Variants in ADAM10 observed in about 807,000 individuals in gnomAD.
The protein encoded by ADAM10 is ADAM metallopeptidase domain 10, also known as disintegrin and metalloproteinase domain-containing protein 10.
Under a neutral mutation model 90.1 loss-of-function variants are expected in ADAM10, and 17 were observed. The observed-to-expected ratio is 0.19, with a 90% CI of 0.13 to 0.28. The LOEUF (loss-of-function observed/expected upper bound fraction) is 0.28. Ranked by LOEUF, ADAM10 falls within the 10% of genes least tolerant of loss-of-function variation. The pLI is 1.00. For synonymous variants in ADAM10, 310 were observed against 298.6 expected (o/e 1.04, Z -0.40); for missense variants, 610 against 914.3 (o/e 0.67, Z 4.29).
chr15:58,708,178 A>G (rs1373186812), intron 2 of ADAM10, among the ~76,000 whole-genome samples: 1 of 152,230 alleles, frequency 6.6e-6, no homozygotes, highest in African/African-American at 2.4e-5. Context: ...CCAACTGTAT[A>G]AAATAACAAT....
At chr15:58,702,305 G>A (rs1465186214) in intron 2 of ADAM10, among the ~76,000 whole-genome samples, 1 of 152,142 alleles carries the variant, frequency 6.6e-6, no homozygotes, top group Non-Finnish European at 1.5e-5. Flanking sequence ...GGGTGAGTGG[G>A]TGGGGCTTGA....
At chr15:58,740,865 G>A (rs1899589926) in intron 1 of ADAM10, among the ~76,000 whole-genome samples, 1 of 152,062 alleles carries the variant, frequency 6.6e-6, no homozygotes, top group Admixed American at 6.5e-5. Flanking sequence ...CTAATGTTTG[G>A]TAATGATGTT....
chr15:58,687,661 A>T (rs946596714), intron 2 of ADAM10, among the ~76,000 whole-genome samples: 14 of 82,342 alleles, frequency 1.7e-4, no homozygotes, highest in Admixed American at 5.4e-4. Flanking sequence ...CATACTTTTT[A>T]AAAAAAAAAT....
chr15:58,637,021 T>C (rs143517338), intron 8 of ADAM10, among the ~76,000 whole-genome samples: 94 of 152,320 alleles, frequency 6.2e-4, no homozygotes, highest in Admixed American at 1.4e-3. Context: ...TAAATGCCAA[T>C]AGCAAGTGTC....
intron 1 of ADAM10, among the ~76,000 whole-genome samples, chr15:58,726,025 TTTA>T (rs1899016328): frequency 6.6e-6 from 1 of 152,072 alleles, no homozygotes; most frequent in Admixed American, 6.5e-5. Context: ...ATAAAAAGGA[TTTA>T]TTTTCTCATT....
At chr15:58,727,249 G>T (rs187951977) in intron 1 of ADAM10, among the ~76,000 whole-genome samples, 1 of 143,986 alleles carries the variant, frequency 6.9e-6, no homozygotes, top group Non-Finnish European at 1.5e-5. Flanking sequence ...GTAGCGCAAC[G>T]GCGCAATCTC....
intron 2 of ADAM10, among the ~76,000 whole-genome samples, chr15:58,702,917 C>G (rs553217643): frequency 2.0e-5 from 3 of 152,252 alleles, no homozygotes; most frequent in East Asian, 1.9e-4. Flanking sequence ...AGTAAAACCA[C>G]AAATGAATAA....
chr15:58,667,766 T>A (rs1897110986), intron 4 of ADAM10, among the ~76,000 whole-genome samples: 1 of 151,964 alleles, frequency 6.6e-6, no homozygotes, highest in African/African-American at 2.4e-5. Context: ...AGGCTTTTTT[T>A]TTTTTCTTTT....
At chr15:58,692,195 G>C (rs12437998) in intron 2 of ADAM10, 106,069 of 561,100 alleles carry the variant, frequency 0.19, 12,443 homozygotes, top group East Asian at 0.42. Flanking sequence ...AAGGGAGCCT[G>C]ATGAGGGATG....
chr15:58,629,841 TG>T (rs1193233441), intron 9 of ADAM10, among the ~76,000 whole-genome samples: 1 of 152,066 alleles, frequency 6.6e-6, no homozygotes, highest in East Asian at 1.9e-4. Flanking sequence ...GGCGTGATCC[TG>T]GCTCACTGCA....
chr15:58,701,036 CAG>C (rs1369126413), intron 2 of ADAM10, among the ~76,000 whole-genome samples: 2 of 98,798 alleles, frequency 2.0e-5, no homozygotes, highest in South Asian at 3.4e-4. Context: ...AAAAAAAAAA[CAG>C]GGCAGAATTC....
At chr15:58,744,252 G>C (rs1899715294) in intron 1 of ADAM10, among the ~76,000 whole-genome samples, 1 of 151,912 alleles carries the variant, frequency 6.6e-6, no homozygotes, top group Non-Finnish European at 1.5e-5. Context: ...TGAGGGGTAG[G>C]GGTGGGGGGC....
chr15:58,743,913 T>C (rs1899700892), intron 1 of ADAM10, among the ~76,000 whole-genome samples: 2 of 152,220 alleles, frequency 1.3e-5, no homozygotes, highest in Non-Finnish European at 2.9e-5. Flanking sequence ...TGGCCAACAC[T>C]TTTTCTTAAT....
intron 5 of ADAM10, among the ~76,000 whole-genome samples, chr15:58,649,134 T>C (rs1214912542): frequency 6.6e-6 from 1 of 152,154 alleles, no homozygotes; most frequent in African/African-American, 2.4e-5. Context: ...TGTTCAATAG[T>C]CTTCTTTAAC....
chr15:58,659,198 G>A lies in ADAM10; in HGVS notation c.585+5899C>T, dbSNP rs368974294. On this transcript the variant is annotated intron_variant, in intron 5 of 15. Transcript: ENST00000260408. ...TGAGGCAGGAGAATCACTTGAACCC[G>A]GGAGGTGGAGGTTGCAGTGGGCCGA... 2.8e-4 allele frequency among the ~76,000 whole-genome samples: 42 copies of A among 150,766 alleles called. No individual in the cohort carries two copies. In the East Asian group the frequency reaches 4.7e-3, roughly 17 times the overall value.
intron 2 of ADAM10, among the ~76,000 whole-genome samples, chr15:58,696,929 C>G (rs762245734): frequency 2.0e-5 from 3 of 152,284 alleles, no homozygotes; most frequent in African/African-American, 4.8e-5. Context: ...GTACCCTGCC[C>G]TGGGGCCAAA....
intron 14 of ADAM10, among the ~76,000 whole-genome samples, chr15:58,603,581 C>T (rs775882783): frequency 1.1e-4 from 16 of 152,130 alleles, no homozygotes; most frequent in Non-Finnish European, 2.2e-4. Flanking sequence ...TTCATCTTTA[C>T]TTTCATTTTT....
intron 2 of ADAM10, among the ~76,000 whole-genome samples, chr15:58,705,064 G>A (rs1898240189): frequency 6.6e-6 from 1 of 152,170 alleles, no homozygotes; most frequent in Admixed American, 6.5e-5. Flanking sequence ...GGCTTTCACT[G>A]AAAATTGTGC....
intron 1 of ADAM10, 93 bp downstream of exon 1, chr15:58,749,387 C>T (rs1287147671): frequency 7.8e-7 from 1 of 1,276,016 alleles, no homozygotes; most frequent in Non-Finnish European, 9.9e-7. Context: ...GGCTGACTGA[C>T]GCGCACGCCG....
Sources: gnomAD v4.1 joint callset for allele counts (sites outside exome capture counted in the v4.1 genomes callset) on GRCh38, gnomAD v4.1.1 for gene constraint, MANE v1.5 for transcripts, NCBI Gene and HGNC (gene_info 2026-07-23, HGNC 2026-07-21) for gene names.